Variants in LRBA observed in about 807,000 individuals in gnomAD.
LRBA encodes the protein LPS responsive beige-like anchor protein, also known as lipopolysaccharide-responsive and beige-like anchor protein.
LRBA carries 176 observed loss-of-function variants against 330.0 expected under a neutral mutation model. The observed-to-expected ratio is 0.53, with a 90% CI of 0.47 to 0.60. The LOEUF is 0.60. Ranked by LOEUF, LRBA falls within the 20% of genes least tolerant of loss-of-function variation. The pLI is 0.00. For missense variants in LRBA, 3,259 were observed against 3,444.8 expected (o/e 0.95, Z 1.35); for synonymous variants, 1,230 against 1,193.0 (o/e 1.03, Z -0.64).
At chr4:150,856,363 CTCT>C (rs1006304105) in intron 22 of LRBA, among the ~76,000 whole-genome samples, 1 of 152,120 alleles carries the variant, frequency 6.6e-6, no homozygotes, top group African/African-American at 2.4e-5. Context: ...CCCTTCATCT[CTCT>C]TCTATGTTGT....
intron 2 of LRBA, among the ~76,000 whole-genome samples, chr4:150,987,473 C>T (rs112518324): frequency 0.054 from 8,171 of 152,132 alleles, 661 homozygotes; most frequent in African/African-American, 0.18. Context: ...GGGACTGAGG[C>T]GGGCAGACCA....
At chr4:150,676,356 A>G (rs886243507) in intron 37 of LRBA, among the ~76,000 whole-genome samples, 1 of 152,088 alleles carries the variant, frequency 6.6e-6, no homozygotes, top group East Asian at 1.9e-4. Flanking sequence ...TCACTTTTCT[A>G]TTTCCCCTAT....
At chr4:150,648,907 C>T (rs1275588391) in intron 37 of LRBA, among the ~76,000 whole-genome samples, 1 of 152,120 alleles carries the variant, frequency 6.6e-6, no homozygotes, top group Non-Finnish European at 1.5e-5. Flanking sequence ...TCTTACTCCT[C>T]TTTAGTAATC....
At chr4:150,547,165 C>T (rs1209938980) in intron 40 of LRBA, among the ~76,000 whole-genome samples, 1 of 152,016 alleles carries the variant, frequency 6.6e-6, no homozygotes, top group Non-Finnish European at 1.5e-5. Context: ...CACAAATATA[C>T]ACACTTAAAA....
Position 150,898,779 on chromosome 4 carries a change from G to A in LRBA, c.1925-961C>T, listed in dbSNP as rs577609207. The stretch of plus-strand genomic sequence containing the variant: ...GCGAGAATACAAAACTAGCACCTAG[G>A]ACAGTACATGATACACCTACAGCAC... On this transcript the variant is annotated intron_variant, in intron 14 of 56. Coordinates refer to ENST00000651943, the MANE Select transcript of LRBA (RefSeq NM_001364905.1). Among the ~76,000 whole-genome samples, 74 of 152,110 alleles carry A rather than the reference G, an allele frequency of 4.9e-4. No homozygotes were observed. The South Asian group carries it at 5.0e-3, about 10-fold the overall frequency.
chr4:150,883,473 A>G (rs577927425), intron 17 of LRBA, among the ~76,000 whole-genome samples: 1 of 152,296 alleles, frequency 6.6e-6, no homozygotes, highest in South Asian at 2.1e-4. Context: ...AAACAAAAAA[A>G]TTATGTTACT....
At position 150,450,043 on chromosome 4, in the gene LRBA, TA is replaced by T. The variant is rs201897030; in HGVS notation, c.6781-13180del. On this transcript the variant is annotated intron_variant, in intron 44 of 56. Transcript: ENST00000651943. ...GCAAGGCTCTATTATATGTTGTCCATAAAAAAAAAGTTAAATATAAAGCCAT... is the reference window on the plus strand; with the variant it reads ...GCAAGGCTCTATTATATGTTGTCCATAAAAAAAAGTTAAATATAAAGCCAT... Among the ~76,000 whole-genome samples the T allele has an allele frequency of 7.3e-5, 11 of 150,174 alleles. No individual in the cohort carries two copies. In the East Asian group the frequency reaches 1.4e-3, roughly 19 times the overall value.
At position 150,804,358 on chromosome 4, in the gene LRBA, G is replaced by A. The variant is rs79432882; in HGVS notation, c.5518+1913C>T. 4.6e-3 allele frequency among the ~76,000 whole-genome samples: 697 copies of A among 152,198 alleles called. 6 individuals carry two copies. Among genetic ancestry groups the A allele is most frequent in the African/African-American group, 0.016 (666 of 41,522 alleles). On this transcript the variant is annotated intron_variant, in intron 33 of 56. Coordinates refer to ENST00000651943, the MANE Select transcript of LRBA (RefSeq NM_001364905.1). Reference sequence around the variant, plus strand: ...ATCACCAACTCCATTTACATCTATAGAAGAGATGAAATTCCTAACTAAAGC... The same window carrying A: ...ATCACCAACTCCATTTACATCTATAAAAGAGATGAAATTCCTAACTAAAGC...
Position 150,793,736 on chromosome 4 carries a change from G to A in LRBA, c.5580+4345C>T, listed in dbSNP as rs568432033. On this transcript the variant is annotated intron_variant, in intron 34 of 56. Coordinates refer to ENST00000651943, the MANE Select transcript of LRBA (RefSeq NM_001364905.1). ...GTTCTGCACAATACCTCATTTAGGC[G>A]TAGAGTTGTAGGGAAGAGAGGGTAA... is the stretch of plus-strand genomic sequence containing the variant. Among the ~76,000 whole-genome samples, 15 of 152,292 alleles carry A rather than the reference G, an allele frequency of 9.8e-5. No individual in the cohort carries two copies. The East Asian group carries it at 2.1e-3, about 22-fold the overall frequency.
chr4:150,704,835 T>C (rs1182290452), intron 36 of LRBA, among the ~76,000 whole-genome samples: 2 of 152,122 alleles, frequency 1.3e-5, no homozygotes, highest in African/African-American at 2.4e-5. Context: ...ACAATGATAA[T>C]TGATAATGAC....
At chr4:150,849,327 C>G (rs1178517057) in intron 25 of LRBA, 95 bp downstream of exon 25, 9 of 1,060,882 alleles carry the variant, frequency 8.5e-6, no homozygotes, top group Non-Finnish European at 1.3e-5. Flanking sequence ...ATAGCACCTA[C>G]GATGCATAGT....
intron 38 of LRBA, 114 bp from the exon 39 acceptor site, chr4:150,590,973 G>A: frequency 1.2e-6 from 1 of 845,790 alleles, no homozygotes; most frequent in Non-Finnish European, 1.8e-6. Flanking sequence ...TTTATACACA[G>A]TGTCAGCTAC....
chr4:150,856,412 A>C (rs1264837402), intron 22 of LRBA, among the ~76,000 whole-genome samples: 1 of 151,972 alleles, frequency 6.6e-6, no homozygotes, highest in Non-Finnish European at 1.5e-5. Context: ...TCCTCTTTGT[A>C]TTATTCTCTC....
intron 34 of LRBA, among the ~76,000 whole-genome samples, chr4:150,777,972 C>CAAAA (rs57988391): frequency 4.6e-5 from 3 of 65,626 alleles, no homozygotes; most frequent in Non-Finnish European, 8.9e-5. Context: ...GACTCTGTTT[C>CAAAA]AAAAAAAAAA....
Position 150,265,749 on chromosome 4 carries a change from C to A in LRBA, c.8532G>T (p.Trp2844Cys). 1 of 1,613,536 alleles carries A rather than the reference C, an allele frequency of 6.2e-7. No homozygotes were observed. Among genetic ancestry groups the A allele is most frequent in the Non-Finnish European group, 8.5e-7 (1 of 1,179,540 alleles). Residue 2844 changes from tryptophan (W) to cysteine (C), a missense_variant, in exon 57 of 57, where the codon TGG becomes TGT. Physicochemically the swap from Trp to Cys is radical, Grantham distance 215. Transcript: ENST00000651943. ...AGTAGCGGGTTTGGTATTCATGATG[C>A]CACCGGTTAAAGTCGTTGTAAAATA... is the stretch of plus-strand genomic sequence containing the variant. ...IVLFYNDFNR[W>C]HHEYQTRY
At chr4:150,755,170 G>A (rs544141145) in intron 35 of LRBA, among the ~76,000 whole-genome samples, 5 of 152,258 alleles carry the variant, frequency 3.3e-5, no homozygotes, top group South Asian at 4.2e-4. Context: ...AGGATGGAGC[G>A]GCTAAATGAA....
chr4:150,536,020 G>A (rs1370632475), intron 40 of LRBA, among the ~76,000 whole-genome samples: 1 of 152,074 alleles, frequency 6.6e-6, no homozygotes, highest in East Asian at 1.9e-4. Context: ...CAGCTTAAAG[G>A]ATTACAAAGT....
chr4:150,993,312 T>G (rs1742297248), intron 2 of LRBA, among the ~76,000 whole-genome samples: 1 of 152,080 alleles, frequency 6.6e-6, no homozygotes, highest in South Asian at 2.1e-4. Flanking sequence ...AAAAGGAACT[T>G]AAAGAATAAA....
rs72719636 is a variant in LRBA, at chr4:150,822,183, A to T, written c.5172-4926T>A. Among the ~76,000 whole-genome samples the T allele has an allele frequency of 1.6e-3, 243 of 152,306 alleles. 1 individual carries two copies. Among genetic ancestry groups the T allele is most frequent in the Admixed American group, 3.6e-3 (55 of 15,290 alleles). On this transcript the variant is annotated intron_variant, in intron 30 of 56. Transcript: ENST00000651943. Reference sequence around the variant, plus strand: ...TGTTAAATTCTACAGAACATCCTGGAAAATGCTACCATCAAAATTATCTGT... The same window carrying T: ...TGTTAAATTCTACAGAACATCCTGGTAAATGCTACCATCAAAATTATCTGT...
Sources: gnomAD v4.1 joint callset for allele counts (sites outside exome capture counted in the v4.1 genomes callset) on GRCh38, gnomAD v4.1.1 for gene constraint, MANE v1.5 for transcripts, NCBI Gene and HGNC (gene_info 2026-07-23, HGNC 2026-07-21) for gene names.